MEI4: variants seen among roughly 807,000 people sequenced by gnomAD.
MEI4 encodes the protein meiotic double-stranded break formation protein 4.
A neutral mutation model predicts 31.4 loss-of-function variants in MEI4; 27 were observed. The ratio of observed to expected loss-of-function variants is 0.86; its 90% CI spans 0.63 to 1.19. MEI4 has a LOEUF of 1.19. Among genes scored for constraint, MEI4 ranks in the 50% most tolerant of loss-of-function variants. The pLI, the probability that MEI4 is intolerant of heterozygous loss-of-function variation, is 0.00. For missense variants in MEI4, 329 were observed against 398.9 expected, an observed-to-expected ratio of 0.82 and a Z score of 1.49; for synonymous variants, 122 against 145.4, an observed-to-expected ratio of 0.84 and a Z score of 1.16.
At chr6:77,869,001 G>A (rs772750572) in intron 4 of MEI4, among the ~76,000 whole-genome samples, 94 of 151,972 alleles carry the variant, frequency 6.2e-4, no homozygotes, top group Non-Finnish European at 1.1e-3. Flanking sequence ...TTACTTGGCC[G>A]AGCTGGATGC....
intron 1 of MEI4, among the ~76,000 whole-genome samples, chr6:77,667,951 CT>C (rs1768668738): frequency 6.8e-6 from 1 of 146,018 alleles, no homozygotes; most frequent in Non-Finnish European, 1.5e-5. Flanking sequence ...GACTATAGAT[CT>C]AGCTTAAAAA....
intron 3 of MEI4, among the ~76,000 whole-genome samples, chr6:77,788,359 C>T (rs1768807646): frequency 6.6e-6 from 1 of 152,158 alleles, no homozygotes; most frequent in South Asian, 2.1e-4. Flanking sequence ...GGGATGCCCT[C>T]TCTCACCACT....
rs556641312 is a variant in MEI4 at position 77,667,721 on chromosome 6, A to G, written c.-15+14629A>G. Among the ~76,000 whole-genome samples, 11 of 152,270 alleles carry G rather than the reference A, an allele frequency of 7.2e-5. No individual in the cohort carries two copies. The South Asian group carries it at 2.3e-3, about 32-fold the overall frequency. On this transcript the variant is annotated intron_variant, in intron 1 of 4. Coordinates refer to ENST00000684080, the MANE Select transcript of MEI4 (RefSeq NM_001322247.2). ...AGTTAATTTCAGAAAGAGGCAGTTG[A>G]ACTGGACCATGAAGGGTGAAGGAGA... is the stretch of plus-strand genomic sequence containing the variant.
intron 3 of MEI4, among the ~76,000 whole-genome samples, chr6:77,794,075 A>G (rs560029692): frequency 2.0e-5 from 3 of 152,340 alleles, no homozygotes; most frequent in South Asian, 2.1e-4. Flanking sequence ...AGTTTTAACA[A>G]CACAGCTGGG....
chr6:77,737,686 C>G (rs1484493653), intron 2 of MEI4, among the ~76,000 whole-genome samples: 1 of 152,026 alleles, frequency 6.6e-6, no homozygotes, highest in Non-Finnish European at 1.5e-5. Context: ...GTGAGGAGAG[C>G]ATCACAGGCA....
At chr6:77,911,959 A>G (rs1230067678) in intron 4 of MEI4, among the ~76,000 whole-genome samples, 2 of 151,768 alleles carry the variant, frequency 1.3e-5, no homozygotes, top group African/African-American at 2.4e-5. Context: ...TCATAGCTTC[A>G]TGGCTTATAT....
chr6:77,762,000 T>G (rs533808484), intron 3 of MEI4, among the ~76,000 whole-genome samples: 1 of 152,362 alleles, frequency 6.6e-6, no homozygotes, highest in South Asian at 2.1e-4. Flanking sequence ...GTCTCAAAAC[T>G]TTTGAGAAAA....
intron 1 of MEI4, among the ~76,000 whole-genome samples, chr6:77,655,829 G>A (rs756558658): frequency 1.3e-5 from 2 of 152,040 alleles, no homozygotes; most frequent in East Asian, 1.9e-4. Flanking sequence ...TGGACATTTC[G>A]CTCTGTTCTT....
In MEI4 at chr6:77,687,451, G is replaced by A. The variant is rs185306140; in HGVS notation, c.-14-3207G>A. On this transcript the variant is annotated intron_variant, in intron 1 of 4. Coordinates refer to ENST00000684080, the MANE Select transcript of MEI4 (RefSeq NM_001322247.2). ...CAACCAGTTCTGATTCTCTGGGCAC[G>A]AACTAGATTTTCAACAGTTCACCTC... 1.8e-3 allele frequency among the ~76,000 whole-genome samples: 273 copies of A among 152,130 alleles called. 1 individual carries two copies. The highest frequency in any genetic ancestry group is 6.1e-3 in the African/African-American group (252 of 41,522).
intron 2 of MEI4, among the ~76,000 whole-genome samples, chr6:77,745,590 G>C (rs1267156468): frequency 6.6e-6 from 1 of 152,040 alleles, no homozygotes; most frequent in African/African-American, 2.4e-5. Flanking sequence ...GGATACCCAG[G>C]AATTGAACTC....
In MEI4 at chr6:77,730,528, AACTC is replaced by A. The variant is rs1253748448; in HGVS notation, c.233-30601_233-30598del. On this transcript the variant is annotated intron_variant, in intron 2 of 4. Coordinates refer to ENST00000684080, the MANE Select transcript of MEI4 (RefSeq NM_001322247.2). Reference sequence around the variant, plus strand: ...TATCAGCTCCCAGTTTTTCCCTACTAACTCTTTTCTTTCAGAGCAATTATTTTGC... The same window carrying A: ...TATCAGCTCCCAGTTTTTCCCTACTATTTTCTTTCAGAGCAATTATTTTGC... 5.3e-5 allele frequency among the ~76,000 whole-genome samples: 8 copies of A among 151,930 alleles called. No individual in the cohort carries two copies. In the East Asian group the frequency reaches 1.2e-3, roughly 22 times the overall value.
intron 4 of MEI4, among the ~76,000 whole-genome samples, chr6:77,900,764 G>A (rs1403883221): frequency 6.6e-6 from 1 of 151,810 alleles, no homozygotes; most frequent in African/African-American, 2.4e-5. Flanking sequence ...ACAATTTTCA[G>A]GTATATACTT....
intron 4 of MEI4, among the ~76,000 whole-genome samples, chr6:77,870,801 T>C (rs185032032): frequency 1.3e-4 from 20 of 152,300 alleles, no homozygotes; most frequent in Admixed American, 1.2e-3. Context: ...GCTTGTGTTT[T>C]GAATTTGTAA....
chr6:77,902,499 G>T lies in MEI4; in HGVS notation c.901-20590G>T, dbSNP rs189212231. Among the ~76,000 whole-genome samples the T allele has an allele frequency of 4.8e-3, 735 of 152,060 alleles. 6 individuals carry two copies. Among genetic ancestry groups the T allele is most frequent in the African/African-American group, 0.017 (717 of 41,482 alleles). Reference sequence around the variant, plus strand: ...AATGGAATTATTCTCTTGATTGTGTGGCTAGTTCATTGTTAGTGTATAGAA... The same window carrying T: ...AATGGAATTATTCTCTTGATTGTGTTGCTAGTTCATTGTTAGTGTATAGAA... On this transcript the variant is annotated intron_variant, in intron 4 of 4. Transcript: ENST00000684080.
chr6:77,711,854 G>A (rs1249273664), intron 2 of MEI4, among the ~76,000 whole-genome samples: 1 of 152,056 alleles, frequency 6.6e-6, no homozygotes. Flanking sequence ...ATTACCTTTT[G>A]TTATCATATG....
chr6:77,885,366 G>GT (rs1771594355), intron 4 of MEI4, among the ~76,000 whole-genome samples: 1 of 151,518 alleles, frequency 6.6e-6, no homozygotes, highest in South Asian at 2.1e-4. Flanking sequence ...TTATTTTTGT[G>GT]TTTTTTGTAG....
intron 4 of MEI4, among the ~76,000 whole-genome samples, chr6:77,851,118 A>C (rs1770607270): frequency 6.6e-6 from 1 of 152,234 alleles, no homozygotes; most frequent in Admixed American, 6.5e-5. Flanking sequence ...AATGGTGATC[A>C]TTAAAAAGTC....
At chr6:77,676,750 ACTTT>A (rs1377566626) in intron 1 of MEI4, among the ~76,000 whole-genome samples, 1 of 151,966 alleles carries the variant, frequency 6.6e-6, no homozygotes, top group Non-Finnish European at 1.5e-5. Context: ...CTGTTCTCTG[ACTTT>A]CTTTATTCTT....
At chr6:77,829,631 CT>C (rs1770031435) in intron 4 of MEI4, among the ~76,000 whole-genome samples, 1 of 152,242 alleles carries the variant, frequency 6.6e-6, no homozygotes, top group South Asian at 2.1e-4. Context: ...TGTGGAAAGT[CT>C]TCTATATCAC....
Sources: gnomAD v4.1 joint callset for allele counts (sites outside exome capture counted in the v4.1 genomes callset) on GRCh38, gnomAD v4.1.1 for gene constraint, MANE v1.5 for transcripts, NCBI Gene and HGNC (gene_info 2026-07-23, HGNC 2026-07-21) for gene names.